PHACTR1: variants seen among roughly 807,000 people sequenced by gnomAD.
The protein encoded by PHACTR1 is phosphatase and actin regulator 1.
In PHACTR1, 16 loss-of-function variants were observed where a neutral mutation model predicts 69.2. The observed-to-expected ratio is 0.23, with a 90% confidence interval of 0.16 to 0.35. The LOEUF (loss-of-function observed/expected upper bound fraction) is 0.35, where lower values mean the gene tolerates loss of function less well. PHACTR1 is among the 10% of genes least tolerant of loss of function. PHACTR1 has a pLI of 1.00. For synonymous variants in PHACTR1, 312 were observed against 284.5 expected, an observed-to-expected ratio of 1.10 and a Z score of -0.97; for missense variants, 510 against 734.7, an observed-to-expected ratio of 0.69 and a Z score of 3.54.
intron 5 of PHACTR1, among the ~76,000 whole-genome samples, chr6:13,141,047 A>G (rs779280509): frequency 1.3e-5 from 2 of 152,350 alleles, no homozygotes; most frequent in Non-Finnish European, 2.9e-5. Context: ...AAGAGTTTCT[A>G]GTAACCCAAT....
intron 6 of PHACTR1, 61 bp from the exon 7 acceptor site, chr6:13,182,458 G>A (rs1762298212): frequency 6.4e-7 from 1 of 1,566,210 alleles, no homozygotes; most frequent in Middle Eastern, 1.7e-4. Flanking sequence ...GGCGGGAAGT[G>A]CCACTCTTTC....
chr6:13,009,228 A>G (rs1799172202), intron 4 of PHACTR1, among the ~76,000 whole-genome samples: 1 of 152,152 alleles, frequency 6.6e-6, no homozygotes, highest in South Asian at 2.1e-4. Flanking sequence ...CTGCAAAGAC[A>G]CTTTTGCCAA....
At chr6:12,872,401 C>T (rs1047605163) in intron 4 of PHACTR1, among the ~76,000 whole-genome samples, 2 of 151,986 alleles carry the variant, frequency 1.3e-5, no homozygotes, top group Non-Finnish European at 2.9e-5. Flanking sequence ...TTGAAAATCT[C>T]CATGATAAAA....
intron 5 of PHACTR1, among the ~76,000 whole-genome samples, chr6:13,064,527 G>A (rs932168734): frequency 1.3e-4 from 15 of 116,856 alleles, no homozygotes; most frequent in South Asian, 2.8e-4. Context: ...AAATTGCAAC[G>A]GGAAGGGGAG....
At chr6:12,912,994 A>G (rs755760099) in intron 4 of PHACTR1, among the ~76,000 whole-genome samples, 3 of 152,160 alleles carry the variant, frequency 2.0e-5, no homozygotes, top group Non-Finnish European at 4.4e-5. Context: ...AAGCCATCAT[A>G]AATATATTTT....
At chr6:12,738,461 C>A (rs1250335671) in intron 3 of PHACTR1, among the ~76,000 whole-genome samples, 4 of 152,200 alleles carry the variant, frequency 2.6e-5, no homozygotes, top group Non-Finnish European at 5.9e-5. Context: ...GAGTTAGCAT[C>A]CCTTATCAGT....
At chr6:12,854,595 AC>A (rs2127763523) in intron 4 of PHACTR1, among the ~76,000 whole-genome samples, 1 of 152,340 alleles carries the variant, frequency 6.6e-6, no homozygotes, top group East Asian at 1.9e-4. Flanking sequence ...AACAGAGTAA[AC>A]AGGCAACCTA....
At chr6:12,912,084 G>A (rs1176781968) in intron 4 of PHACTR1, among the ~76,000 whole-genome samples, 1 of 150,468 alleles carries the variant, frequency 6.6e-6, no homozygotes, top group Non-Finnish European at 1.5e-5. Flanking sequence ...TGCAACCTCC[G>A]CCTCCCAGGT....
intron 4 of PHACTR1, among the ~76,000 whole-genome samples, chr6:12,754,680 C>T (rs566010603): frequency 2.2e-4 from 34 of 152,216 alleles, no homozygotes; most frequent in Non-Finnish European, 2.1e-4. Flanking sequence ...TAAGTACAGT[C>T]GGCCTTCGGC....
At chr6:12,812,647 A>T (rs1775149970) in intron 4 of PHACTR1, among the ~76,000 whole-genome samples, 1 of 152,192 alleles carries the variant, frequency 6.6e-6, no homozygotes, top group Non-Finnish European at 1.5e-5. Flanking sequence ...TGCTGTCTGT[A>T]GGCTGCTTAC....
At chr6:12,928,477 G>A (rs1359451028) in intron 4 of PHACTR1, among the ~76,000 whole-genome samples, 1 of 152,086 alleles carries the variant, frequency 6.6e-6, no homozygotes, top group Non-Finnish European at 1.5e-5. Flanking sequence ...TCAGAATCCT[G>A]GTTTAATTTC....
intron 4 of PHACTR1, among the ~76,000 whole-genome samples, chr6:12,761,037 A>C (rs1767966803): frequency 6.6e-6 from 1 of 152,194 alleles, no homozygotes; most frequent in Non-Finnish European, 1.5e-5. Flanking sequence ...GGATTTGGAG[A>C]CCTGCTGGTT....
chr6:12,895,341 C>T (rs1784559764), intron 4 of PHACTR1, among the ~76,000 whole-genome samples: 1 of 151,990 alleles, frequency 6.6e-6, no homozygotes, highest in Admixed American at 6.5e-5. Context: ...GCCACCACAC[C>T]TGGCTAATTT....
chr6:13,086,327 T>G (rs981371420), intron 5 of PHACTR1, among the ~76,000 whole-genome samples: 8 of 152,290 alleles, frequency 5.3e-5, no homozygotes, highest in African/African-American at 1.9e-4. Flanking sequence ...TATTTTCTTT[T>G]AAAACATTTT....
intron 6 of PHACTR1, among the ~76,000 whole-genome samples, chr6:13,180,700 C>T (rs1455596216): frequency 6.6e-6 from 1 of 152,184 alleles, no homozygotes; most frequent in Non-Finnish European, 1.5e-5. Context: ...ACAGCTGCAT[C>T]ATTATTCCAC....
intron 4 of PHACTR1, among the ~76,000 whole-genome samples, chr6:12,935,700 G>A (rs1377392266): frequency 6.6e-6 from 1 of 152,108 alleles, no homozygotes; most frequent in African/African-American, 2.4e-5. Context: ...TAGGGGAGCA[G>A]TAACCTGGAG....
Position 12,925,728 on chromosome 6 carries a change from G to T in PHACTR1, c.251-127637G>T, listed in dbSNP as rs1364724912. 4.6e-5 allele frequency among the ~76,000 whole-genome samples: 7 copies of T among 152,088 alleles called. 1 individual carries two copies. Among genetic ancestry groups the T allele is most frequent in the Non-Finnish European group, 1.0e-4 (7 of 68,020 alleles). ...GCAATTTACACTGATATTACAGAAAGCCCAGAATTCAACTCCAAAGGTGAG... is the reference window on the plus strand; with the variant it reads ...GCAATTTACACTGATATTACAGAAATCCCAGAATTCAACTCCAAAGGTGAG... On this transcript the variant is annotated intron_variant, in intron 4 of 14. Coordinates refer to ENST00000332995, the MANE Select transcript of PHACTR1 (RefSeq NM_030948.6).
intron 4 of PHACTR1, among the ~76,000 whole-genome samples, chr6:12,775,391 A>G (rs1248045039): frequency 6.6e-6 from 1 of 152,244 alleles, no homozygotes; most frequent in Non-Finnish European, 1.5e-5. Context: ...ATAGTTAACT[A>G]GTAATATAGT....
At chr6:12,905,023 G>A (rs887427833) in intron 4 of PHACTR1, among the ~76,000 whole-genome samples, 1 of 152,136 alleles carries the variant, frequency 6.6e-6, no homozygotes, top group African/African-American at 2.4e-5. Context: ...GGTAGGGGAG[G>A]CTTCTACCCA....
Sources: allele counts gnomAD v4.1 joint callset (sites outside exome capture counted in the v4.1 genomes callset), GRCh38; gene constraint gnomAD v4.1.1; transcripts MANE v1.5; gene names NCBI Gene and HGNC (gene_info 2026-07-23, HGNC 2026-07-21).